Variants in CNTLN observed in about 807,000 individuals in gnomAD.
CNTLN encodes the protein centlein, centrosomal protein.
In CNTLN, 212 loss-of-function variants were observed where a neutral mutation model predicts 180.0. The observed-to-expected ratio is 1.18, with a 90% CI of 1.05 to 1.32. The LOEUF (loss-of-function observed/expected upper bound fraction) is 1.32. Ranked by LOEUF, CNTLN falls within the 40% of genes most tolerant of loss-of-function variation. The pLI is 0.00. For missense variants in CNTLN, 2,095 were observed against 1,610.9 expected (o/e 1.30, Z -5.14); for synonymous variants, 722 against 563.1 (o/e 1.28, Z -3.99).
intron 1 of CNTLN, among the ~76,000 whole-genome samples, chr9:17,142,083 GAAAAA>G (rs1180057903): frequency 5.2e-5 from 3 of 57,730 alleles, no homozygotes; most frequent in Non-Finnish European, 1.1e-4. Flanking sequence ...CTCTGTCTCA[GAAAAA>G]AAAAAAAAAA....
At chr9:17,309,601 A>G (rs1186425191) in intron 8 of CNTLN, among the ~76,000 whole-genome samples, 2 of 151,942 alleles carry the variant, frequency 1.3e-5, no homozygotes, top group African/African-American at 2.4e-5. Flanking sequence ...ACTAAGTTTC[A>G]TAAAGTACTT....
intron 2 of CNTLN, among the ~76,000 whole-genome samples, chr9:17,196,682 G>A (rs1435017358): frequency 1.3e-5 from 2 of 150,456 alleles, no homozygotes; most frequent in Non-Finnish European, 3.0e-5. Flanking sequence ...TATTTTATAT[G>A]TAATAATACA....
chr9:17,257,307 C>A (rs1826580101), intron 5 of CNTLN, among the ~76,000 whole-genome samples: 1 of 152,104 alleles, frequency 6.6e-6, no homozygotes, highest in South Asian at 2.1e-4. Flanking sequence ...GACATGAACT[C>A]ATCATTTTTT....
At chr9:17,213,715 A>G (rs1823508313) in intron 2 of CNTLN, among the ~76,000 whole-genome samples, 2 of 152,172 alleles carry the variant, frequency 1.3e-5, no homozygotes, top group South Asian at 4.2e-4. Flanking sequence ...GTCTCTAAGG[A>G]CTTGCTTTAT....
chr9:17,395,184 C>T lies in CNTLN; in HGVS notation c.2615+115C>T, dbSNP rs1378722917. ...ATTTGGTATTCAGAAAAAATACTGT[C>T]AGATCCTTTGAAATATCTTGGGAGG... On this transcript the variant is annotated intron_variant, in intron 15 of 25. Coordinates refer to ENST00000380647, the MANE Select transcript of CNTLN (RefSeq NM_017738.4). The T allele has an allele frequency of 2.1e-6, 3 of 1,399,474 alleles. No individual in the cohort carries two copies. The African/African-American group carries it at 4.3e-5, about 20-fold the overall frequency. 86.7% of individuals were successfully genotyped at this position (1,399,474 alleles called of 1,614,324 possible).
At chr9:17,161,661 A>C (rs1341486600) in intron 2 of CNTLN, among the ~76,000 whole-genome samples, 1 of 152,196 alleles carries the variant, frequency 6.6e-6, no homozygotes, top group Non-Finnish European at 1.5e-5. Flanking sequence ...TCCATAAAGA[A>C]CTTTGAGTTT....
chr9:17,419,196 C>G (rs1828505532), intron 18 of CNTLN, among the ~76,000 whole-genome samples: 1 of 151,996 alleles, frequency 6.6e-6, no homozygotes, highest in Non-Finnish European at 1.5e-5. Context: ...CAACTATGAG[C>G]TAAATGGTAT....
intron 13 of CNTLN, among the ~76,000 whole-genome samples, chr9:17,372,453 A>G (rs1436772585): frequency 2.6e-5 from 4 of 152,142 alleles, no homozygotes; most frequent in African/African-American, 7.2e-5. Context: ...CAACGGAACT[A>G]TAATAAGTAA....
At chr9:17,247,858 G>T (rs1170402432) in intron 5 of CNTLN, among the ~76,000 whole-genome samples, 2 of 146,062 alleles carry the variant, frequency 1.4e-5, no homozygotes, top group Non-Finnish European at 1.5e-5. Flanking sequence ...TTGAGACAGG[G>T]TCTCACTCTG....
chr9:17,265,510 T>G (rs911597049), intron 5 of CNTLN, among the ~76,000 whole-genome samples: 1 of 150,956 alleles, frequency 6.6e-6, no homozygotes, highest in East Asian at 2.0e-4. Context: ...CTCTTTTTTT[T>G]GTTGTGTCTC....
At chr9:17,276,035 T>G (rs148879575) in intron 6 of CNTLN, among the ~76,000 whole-genome samples, 3 of 152,200 alleles carry the variant, frequency 2.0e-5, no homozygotes, top group African/African-American at 7.2e-5. Context: ...TTGGATACTA[T>G]ATTTACCACC....
intron 3 of CNTLN, among the ~76,000 whole-genome samples, chr9:17,228,883 G>A (rs369079324): frequency 8.6e-5 from 13 of 152,032 alleles, no homozygotes; most frequent in African/African-American, 2.7e-4. Flanking sequence ...TTATTTTCAG[G>A]AAGTATAAAT....
At position 17,361,210 on chromosome 9, in the gene CNTLN, C is replaced by T. The variant is rs577910101; in HGVS notation, c.1887-5407C>T. Among the ~76,000 whole-genome samples the T allele has an allele frequency of 5.9e-5, 9 of 152,286 alleles. No individual in the cohort carries two copies. The South Asian group carries it at 1.0e-3, about 18-fold the overall frequency. On this transcript the variant is annotated intron_variant, in intron 12 of 25. Coordinates refer to ENST00000380647, the MANE Select transcript of CNTLN (RefSeq NM_017738.4). ...ATATCTCCTAATGCTATCCCTCCCC[C>T]GTCTCCCCACCCCACAACAGTCCCC...
At chr9:17,506,673 C>T (rs909900253), downstream of CNTLN, among the ~76,000 whole-genome samples, 1 of 152,056 alleles carries the variant, frequency 6.6e-6, no homozygotes, top group African/African-American at 2.4e-5. Flanking sequence ...GTGAAAATTA[C>T]TATAATAAAT....
intron 1 of CNTLN, among the ~76,000 whole-genome samples, chr9:17,136,186 T>C (rs887139915): frequency 1.3e-5 from 2 of 152,256 alleles, no homozygotes; most frequent in Non-Finnish European, 2.9e-5. Context: ...ATCATCTCTT[T>C]TGATTTTACC....
intron 12 of CNTLN, among the ~76,000 whole-genome samples, chr9:17,351,612 CATCACA>C (rs1234408473): frequency 6.6e-6 from 1 of 152,106 alleles, no homozygotes; most frequent in Non-Finnish European, 1.5e-5. Flanking sequence ...TAATATTTCA[CATCACA>C]AACATCCTAT....
rs189601814 is a variant in CNTLN at position 17,398,517 on chromosome 9, G to C, written c.2615+3448G>C. On this transcript the variant is annotated intron_variant, in intron 15 of 25. Coordinates refer to ENST00000380647, the MANE Select transcript of CNTLN (RefSeq NM_017738.4). ...TCATAAGTTGCATATGCAATTCTGG[G>C]ATAGTATGAAACATGCAGTGGAATT... is the stretch of plus-strand genomic sequence containing the variant. Among the ~76,000 whole-genome samples the C allele has an allele frequency of 2.8e-3, 419 of 152,288 alleles. 1 individual carries two copies. The highest frequency in any genetic ancestry group is 4.0e-3 in the Admixed American group (61 of 15,302).
Position 17,189,161 on chromosome 9 carries a change from C to A in CNTLN, c.450-37042C>A, listed in dbSNP as rs113482569. On this transcript the variant is annotated intron_variant, in intron 2 of 25. Transcript: ENST00000380647. ...GCAGTGGCGTGATCTCGGCTCACTG[C>A]AAGCTCCGCCTCCCGGGTTCACGCC... Among the ~76,000 whole-genome samples the A allele has an allele frequency of 5.1e-3, 721 of 140,292 alleles. 5 individuals carry two copies. The highest frequency in any genetic ancestry group is 0.018 in the African/African-American group (670 of 37,522). The allele number at this position is 140,292 out of a possible 152,430, so 92.0% of individuals were successfully genotyped here.
chr9:17,524,427 C>T, the CNTLN span, among the ~76,000 whole-genome samples: 2 of 152,190 alleles, frequency 1.3e-5, no homozygotes, highest in Non-Finnish European at 2.9e-5. Flanking sequence ...TGTATTAGGG[C>T]TTCCATCAAT....
Sources: allele counts gnomAD v4.1 joint callset (sites outside exome capture counted in the v4.1 genomes callset), GRCh38; gene constraint gnomAD v4.1.1; transcripts MANE v1.5; gene names NCBI Gene and HGNC (gene_info 2026-07-23, HGNC 2026-07-21).